The following MLX variants were observed in gnomAD, a reference collection of about 807,000 sequenced individuals.
MLX encodes MAX dimerization protein MLX.
MLX carries 15 observed loss-of-function variants against 33.0 expected under a neutral mutation model. That is an observed-to-expected ratio of 0.45 (90% CI 0.30 to 0.70). MLX has a LOEUF of 0.70. Ranked by LOEUF, MLX falls within the 30% of genes least tolerant of loss-of-function variation. The probability of loss-of-function intolerance (pLI) is 0.07; values close to 1 mark genes in which losing one functional copy is unlikely to be tolerated. For synonymous variants in MLX, 115 were observed against 115.6 expected (o/e 0.99, Z 0.03); for missense variants, 285 against 306.3 (o/e 0.93, Z 0.52).
chr17:42,571,375 C>A (rs907739281), intron 7 of MLX, among the ~76,000 whole-genome samples, 172 bp from the exon 8 acceptor site: 2 of 152,182 alleles, frequency 1.3e-5, no homozygotes, highest in Non-Finnish European at 1.5e-5. Flanking sequence ...GATCCACCCG[C>A]CTTGGCCTCC....
In MLX at chr17:42,567,518, C is replaced by T. The variant is rs2093013181; in HGVS notation, c.43-101C>T. 3.2e-6 allele frequency: 5 copies of T among 1,586,874 alleles called. No individual in the cohort carries two copies. The South Asian group carries it at 3.3e-5, about 11-fold the overall frequency. ...CAAGCGCGCAGGGTGACAGAGGCGC[C>T]TTCCCGGAATGGGGGGCGCGCTGTG... On this transcript the variant is annotated intron_variant, in intron 1 of 7. Transcript: ENST00000435881.
At chr17:42,569,668 C>T (rs2093022971) in intron 6 of MLX, 62 bp downstream of exon 6, 1 of 1,310,230 alleles carries the variant, frequency 7.6e-7, no homozygotes, top group African/African-American at 1.5e-5. Context: ...GCACACCCTC[C>T]CTTGTTCAAA....
chr17:42,567,307 C>G (rs1459377578), intron 1 of MLX, 141 bp downstream of exon 1: 1 of 1,388,378 alleles, frequency 7.2e-7, no homozygotes, highest in Admixed American at 3.1e-5. Flanking sequence ...GAGAAGACAG[C>G]TCTCACCCCG....
chr17:42,572,966 C>G lies in MLX; in HGVS notation c.*1363C>G. On this transcript the variant is annotated 3_prime_UTR_variant, in exon 8 of 8. Transcript: ENST00000435881. ...TCCCCACCAGTCCTGACCGTGGGCC[C>G]CTCAGGGGTCTGGGAGTGTGACGTT... is the stretch of plus-strand genomic sequence containing the variant. The G allele has an allele frequency of 6.2e-7, 1 of 1,614,122 alleles. No individual in the cohort carries two copies. Among genetic ancestry groups the G allele is most frequent in the Non-Finnish European group, 8.5e-7 (1 of 1,179,992 alleles).
chr17:42,571,734 G>GT lies in MLX; in HGVS notation c.*136dup. On this transcript the variant is annotated 3_prime_UTR_variant, in exon 8 of 8. Transcript: ENST00000435881. ...TCAGCTGGTTTCTACTTGGTGTTTG[G>GT]TTTTTCCCAGCCCCATTTTATCTTC... The GT allele has an allele frequency of 2.4e-6, 2 of 850,124 alleles. No homozygotes were observed. Among genetic ancestry groups the GT allele is most frequent in the South Asian group, 2.9e-5 (2 of 69,828 alleles). The allele number at this position is 850,124 out of a possible 1,614,324, so 52.7% of individuals were successfully genotyped here.
chr17:42,572,818 C>A lies in MLX; in HGVS notation c.*1215C>A, dbSNP rs753204781. The A allele has an allele frequency of 7.6e-6, 7 of 921,696 alleles. No individual in the cohort carries two copies. Among genetic ancestry groups the A allele is most frequent in the Admixed American group, 2.0e-5 (1 of 50,976 alleles). 57.1% of individuals were successfully genotyped at this position (921,696 alleles called of 1,614,324 possible). On this transcript the variant is annotated 3_prime_UTR_variant, in exon 8 of 8. Coordinates refer to ENST00000435881, the MANE Select transcript of MLX (RefSeq NM_198204.2). ...CAGCCCTCATCCTCTCTACCCAGTG[C>A]TCTGGTTTATGCTTGTCTCCTGACT...
intron 4 of MLX, 125 bp downstream of exon 4, chr17:42,569,068 G>A: frequency 1.6e-6 from 2 of 1,258,966 alleles, no homozygotes; most frequent in Non-Finnish European, 2.3e-6. Context: ...ATAGTCCCAG[G>A]CACAAACACC....
At chr17:42,567,486 G>A in intron 1 of MLX, 133 bp from the exon 2 acceptor site, 1 of 1,491,906 alleles carries the variant, frequency 6.7e-7, no homozygotes, top group Non-Finnish European at 9.1e-7. Context: ...CCCGGGCTGT[G>A]TGTGTGCAAG....
Position 42,573,167 on chromosome 17 carries a change from C to T in MLX, c.*1564C>T. ...GTATTGCATCAGACAGCTCTGTAGC[C>T]TGACAAGAAATAAAACCACCCGTTT... On this transcript the variant is annotated 3_prime_UTR_variant, in exon 8 of 8. Coordinates refer to ENST00000435881, the MANE Select transcript of MLX (RefSeq NM_198204.2). 5.6e-6 allele frequency: 9 copies of T among 1,614,184 alleles called. No individual in the cohort carries two copies. The highest frequency in any genetic ancestry group is 7.6e-6 in the Non-Finnish European group (9 of 1,180,040).
chr17:42,567,370 C>T lies in MLX; in HGVS notation c.42+204C>T, dbSNP rs1159952729. The T allele has an allele frequency of 8.6e-6, 12 of 1,396,048 alleles. No homozygotes were observed. The South Asian group carries it at 1.9e-4, about 22-fold the overall frequency. 86.5% of individuals were successfully genotyped at this position (1,396,048 alleles called of 1,614,324 possible). Reference sequence around the variant, plus strand: ...GGCGTGTGCGCGCGAGTCGGGGGAACGGGGCACTGGGGTGGAGTAGGGGCG... The same window carrying T: ...GGCGTGTGCGCGCGAGTCGGGGGAATGGGGCACTGGGGTGGAGTAGGGGCG... On this transcript the variant is annotated intron_variant, in intron 1 of 7. Coordinates refer to ENST00000435881, the MANE Select transcript of MLX (RefSeq NM_198204.2).
intron 6 of MLX, 93 bp downstream of exon 6, chr17:42,569,699 T>C (rs2093023069): frequency 1.0e-6 from 1 of 966,804 alleles, no homozygotes; most frequent in Admixed American, 1.9e-5. Context: ...GTTACTGCTG[T>C]ACAGATAATA....
chr17:42,567,274 G>A (rs1440258739), intron 1 of MLX, 108 bp downstream of exon 1: 1 of 1,341,714 alleles, frequency 7.5e-7, no homozygotes, highest in Non-Finnish European at 9.6e-7. Context: ...AGTCCCCCAC[G>A]CTCTCCGTGC....
At position 42,568,941 on chromosome 17, in the gene MLX, A is replaced by G; in HGVS notation, c.274A>G (p.Lys92Glu). Residue 92 changes from lysine (K) to glutamate (E), a missense_variant and splice_region_variant, in exon 4 of 8, where the codon AAG becomes GAG. Transcript: ENST00000435881. ...QAEQKRRDAI[K>E]RGYDDLQTIV... ...TGAGCAGAAGAGGAGGGACGCCATC[A>G]AGGTGAACAGGGAGGCCTGTGCCTC... is the stretch of plus-strand genomic sequence containing the variant. 1 of 1,606,634 alleles carries G rather than the reference A, an allele frequency of 6.2e-7. No homozygotes were observed. The highest frequency in any genetic ancestry group is 8.5e-7 in the Non-Finnish European group (1 of 1,176,146).
rs1179244107 is a variant in MLX, at chr17:42,567,668, C to T, written c.79+13C>T. 1.2e-6 allele frequency: 2 copies of T among 1,614,070 alleles called. No individual in the cohort carries two copies. The highest frequency in any genetic ancestry group is 2.2e-5 in the East Asian group (1 of 44,882). ...AGCCTGGACCCCGGTGAGTAGCTGC[C>T]CCATCTTAAGCTCTAGAGGGACACT... is the stretch of plus-strand genomic sequence containing the variant. On this transcript the variant is annotated intron_variant, in intron 2 of 7. Transcript: ENST00000435881.
rs979156974 is a variant in MLX at position 42,571,260 on chromosome 17, C to T, written c.679-287C>T. Among the ~76,000 whole-genome samples the T allele has an allele frequency of 2.2e-4, 33 of 151,858 alleles. 1 individual carries two copies. Among genetic ancestry groups the T allele is most frequent in the Admixed American group, 6.6e-5 (1 of 15,242 alleles). On this transcript the variant is annotated intron_variant, in intron 7 of 7. Transcript: ENST00000435881. ...TCAGGCGATTCTCATACCTCAGCCT[C>T]CTGTGTAGCTGGGATTACAGGCATG...
rs561013295 is a variant in MLX, at chr17:42,569,648, C to A, written c.476+42C>A. 64 of 1,463,198 alleles carry A rather than the reference C, an allele frequency of 4.4e-5. No homozygotes were observed. In the East Asian group the frequency reaches 1.5e-3, roughly 33 times the overall value. The allele number at this position is 1,463,198 out of a possible 1,614,324, so 90.6% of individuals were successfully genotyped here. On this transcript the variant is annotated intron_variant, in intron 6 of 7. Transcript: ENST00000435881. The stretch of plus-strand genomic sequence containing the variant: ...ATGGGGGGAACCAGAACTTCTGAGG[C>A]AACTTCATTGCACACCCTCCCTTGT...
At chr17:42,567,491 T>G (rs946225665) in intron 1 of MLX, 128 bp from the exon 2 acceptor site, 2 of 1,514,066 alleles carry the variant, frequency 1.3e-6, no homozygotes, top group East Asian at 2.3e-5. Context: ...GCTGTGTGTG[T>G]GCAAGCGCGC....
rs548524602 is a variant in MLX at position 42,567,155 on chromosome 17, C to T, written c.31C>T (p.Pro11Ser). The change falls in exon 1 of 8, where the codon CCT becomes TCT. Residue 11 changes from proline to serine, a missense_variant. By Grantham distance (74) the Pro-to-Ser change is moderately conservative. Transcript: ENST00000435881. MTEPGASPED[P>S]WVKVEYAYSD... The stretch of plus-strand genomic sequence containing the variant: ...GGAGCCGGGCGCCTCTCCCGAGGAC[C>T]CTTGGGTCAAGGCAAGCCCCGTGGG... 138 of 1,279,904 alleles carry T rather than the reference C, an allele frequency of 1.1e-4. No individual in the cohort carries two copies. In the African/African-American group the frequency reaches 2.0e-3, roughly 19 times the overall value. 79.3% of individuals were successfully genotyped at this position (1,279,904 alleles called of 1,614,324 possible).
Position 42,569,963 on chromosome 17 carries a change from C to G in MLX, c.477-19C>G. On this transcript the variant is annotated intron_variant, in intron 6 of 7. Coordinates refer to ENST00000435881, the MANE Select transcript of MLX (RefSeq NM_198204.2). Reference sequence around the variant, plus strand: ...GCGGAGCTGCTGCAGCACCTCAGCCCTGGCCTGCATGCTTTTAGGAACTAT... The same window carrying G: ...GCGGAGCTGCTGCAGCACCTCAGCCGTGGCCTGCATGCTTTTAGGAACTAT... 1.2e-6 allele frequency: 2 copies of G among 1,612,256 alleles called. No individual in the cohort carries two copies. The highest frequency in any genetic ancestry group is 1.7e-6 in the Non-Finnish European group (2 of 1,179,186).
Sources: allele counts gnomAD v4.1 joint callset (sites outside exome capture counted in the v4.1 genomes callset), GRCh38; gene constraint gnomAD v4.1.1; transcripts MANE v1.5; gene names NCBI Gene and HGNC (gene_info 2026-07-23, HGNC 2026-07-21).